CAMK2D: variants seen among roughly 807,000 people sequenced by gnomAD.
CAMK2D encodes the protein calcium/calmodulin-dependent protein kinase type II subunit delta.
A neutral mutation model predicts 84.0 loss-of-function variants in CAMK2D; 37 were observed. The ratio of observed to expected loss-of-function variants is 0.44; its 90% CI spans 0.34 to 0.58. The LOEUF (loss-of-function observed/expected upper bound fraction) is 0.58. CAMK2D is among the 20% of genes least tolerant of loss of function. CAMK2D has a pLI of 0.02. For synonymous variants in CAMK2D, 202 were observed against 212.5 expected (o/e 0.95, Z 0.43); for missense variants, 448 against 652.5 (o/e 0.69, Z 3.41).
At chr4:113,605,830 C>T (rs1239193568) in intron 4 of CAMK2D, among the ~76,000 whole-genome samples, 1 of 152,140 alleles carries the variant, frequency 6.6e-6, no homozygotes, top group Non-Finnish European at 1.5e-5. Flanking sequence ...CACCTGCTTA[C>T]TCTGGTATGA....
chr4:113,749,028 A>C (rs1441631032), intron 2 of CAMK2D, among the ~76,000 whole-genome samples: 2 of 151,930 alleles, frequency 1.3e-5, no homozygotes, highest in African/African-American at 4.8e-5. Context: ...AAACTGCCAA[A>C]ATGTACACCT....
chr4:113,538,858 A>G (rs1054466660), intron 6 of CAMK2D, among the ~76,000 whole-genome samples: 1 of 152,190 alleles, frequency 6.6e-6, no homozygotes, highest in Non-Finnish European at 1.5e-5. Flanking sequence ...TCTTCAGGCT[A>G]TTGTTGCTCA....
chr4:113,521,161 T>A (rs1157411904), intron 8 of CAMK2D, among the ~76,000 whole-genome samples: 1 of 152,106 alleles, frequency 6.6e-6, no homozygotes, highest in East Asian at 1.9e-4. Flanking sequence ...TTTATTTTCC[T>A]CTTTACTAGC....
At chr4:113,609,245 A>G (rs1158883852) in intron 3 of CAMK2D, 39 bp from the exon 4 acceptor site, 5 of 1,069,248 alleles carry the variant, frequency 4.7e-6, no homozygotes, top group Non-Finnish European at 5.9e-6. Context: ...TGTTATACCT[A>G]TTCCAACGAT....
intron 2 of CAMK2D, among the ~76,000 whole-genome samples, chr4:113,729,330 C>T (rs2099555623): frequency 1.3e-5 from 2 of 152,188 alleles, no homozygotes; most frequent in South Asian, 4.1e-4. Context: ...ACGTTTCTCA[C>T]CATGAGCCGG....
intron 3 of CAMK2D, among the ~76,000 whole-genome samples, chr4:113,623,344 C>T (rs1461509080): frequency 6.6e-6 from 1 of 151,862 alleles, no homozygotes; most frequent in African/African-American, 2.4e-5. Flanking sequence ...ATAATGACTA[C>T]AGATTAATGA....
At chr4:113,672,690 A>G (rs552238577) in intron 2 of CAMK2D, among the ~76,000 whole-genome samples, 57 of 148,752 alleles carry the variant, frequency 3.8e-4, no homozygotes, top group Non-Finnish European at 8.0e-4. Context: ...AATTAATTTA[A>G]TTAATTAATT....
At chr4:113,686,618 G>A (rs1466935945) in intron 2 of CAMK2D, among the ~76,000 whole-genome samples, 1 of 152,116 alleles carries the variant, frequency 6.6e-6, no homozygotes, top group Non-Finnish European at 1.5e-5. Context: ...TCCTCCTGGA[G>A]TAATCAAGAA....
At chr4:113,653,023 G>A (rs2099181953) in intron 3 of CAMK2D, among the ~76,000 whole-genome samples, 1 of 151,984 alleles carries the variant, frequency 6.6e-6, no homozygotes, top group South Asian at 2.1e-4. Context: ...TTCACCAATG[G>A]AAAAGATTTT....
chr4:113,593,676 C>T (rs2098906141), intron 4 of CAMK2D, among the ~76,000 whole-genome samples: 1 of 152,144 alleles, frequency 6.6e-6, no homozygotes, highest in Non-Finnish European at 1.5e-5. Context: ...CAAGGTCTGC[C>T]CTCAGGAACA....
intron 16 of CAMK2D, among the ~76,000 whole-genome samples, chr4:113,495,308 T>A (rs2097913609): frequency 1.3e-5 from 2 of 152,156 alleles, no homozygotes; most frequent in African/African-American, 4.8e-5. Flanking sequence ...AGTCCCTCAA[T>A]AAAATACCCA....
chr4:113,493,534 C>T (rs1041324214), intron 16 of CAMK2D, among the ~76,000 whole-genome samples: 4 of 152,190 alleles, frequency 2.6e-5, no homozygotes, highest in African/African-American at 9.7e-5. Flanking sequence ...ATGGGCTTCC[C>T]TTTGAGGGTG....
At chr4:113,487,842 T>TCAGAA (rs1202850306) in intron 16 of CAMK2D, among the ~76,000 whole-genome samples, 3 of 152,022 alleles carry the variant, frequency 2.0e-5, no homozygotes, top group Non-Finnish European at 4.4e-5. Flanking sequence ...ATAATATGTA[T>TCAGAA]TAGAATGTAT....
At chr4:113,512,463 T>TTGAG (rs1236606689) in intron 12 of CAMK2D, among the ~76,000 whole-genome samples, 2 of 152,254 alleles carry the variant, frequency 1.3e-5, no homozygotes, top group Non-Finnish European at 2.9e-5. Flanking sequence ...CTGTAAATTC[T>TTGAG]TGAGTTAGAT....
chr4:113,740,618 C>T (rs775278231), intron 2 of CAMK2D, among the ~76,000 whole-genome samples: 3 of 152,036 alleles, frequency 2.0e-5, no homozygotes, highest in Non-Finnish European at 4.4e-5. Flanking sequence ...AGTTACAGTG[C>T]CACCATTAGA....
At chr4:113,664,893 C>T (rs778085146) in intron 2 of CAMK2D, among the ~76,000 whole-genome samples, 7 of 151,998 alleles carry the variant, frequency 4.6e-5, no homozygotes, top group African/African-American at 1.5e-4. Flanking sequence ...AACCTCCACC[C>T]CCCGGGTTCA....
chr4:113,639,967 G>A (rs12512019), intron 3 of CAMK2D, among the ~76,000 whole-genome samples: 28,759 of 151,982 alleles, frequency 0.19, 3,152 homozygotes, highest in South Asian at 0.3. Context: ...TAAAGCATGT[G>A]GGTTAGGGGG....
chr4:113,557,440 C>T (rs1186066174), intron 4 of CAMK2D, among the ~76,000 whole-genome samples: 2 of 152,198 alleles, frequency 1.3e-5, no homozygotes, highest in Admixed American at 6.5e-5. Context: ...TAGTAAGCTC[C>T]TTCCTGCCCT....
At chr4:113,520,041 A>G (rs1286678102) in intron 8 of CAMK2D, among the ~76,000 whole-genome samples, 1 of 152,168 alleles carries the variant, frequency 6.6e-6, no homozygotes, top group Non-Finnish European at 1.5e-5. Context: ...ATTTGGTCCT[A>G]TCTTAAATGT....
Sources: allele counts gnomAD v4.1 joint callset (sites outside exome capture counted in the v4.1 genomes callset), GRCh38; gene constraint gnomAD v4.1.1; transcripts MANE v1.5; gene names NCBI Gene and HGNC (gene_info 2026-07-23, HGNC 2026-07-21).